Variants in SREBF1 observed in about 807,000 individuals in gnomAD.
SREBF1 encodes the protein sterol regulatory element-binding protein 1.
In SREBF1, 45 loss-of-function variants were observed where a neutral mutation model predicts 100.1. The ratio of observed to expected loss-of-function variants is 0.45; its 90% confidence interval spans 0.35 to 0.58. The LOEUF is 0.58. SREBF1 is among the 20% of genes least tolerant of loss of function. SREBF1 has a pLI of 0.00. For synonymous variants in SREBF1, 657 were observed against 681.8 expected, an observed-to-expected ratio of 0.96 and a Z score of 0.57; for missense variants, 1,324 against 1,539.4, an observed-to-expected ratio of 0.86 and a Z score of 2.34.
chr17:17,836,466 AC>A, intron 1 of SREBF1, among the ~76,000 whole-genome samples: 1 of 152,236 alleles, frequency 6.6e-6, no homozygotes, highest in East Asian at 1.9e-4. Flanking sequence ...GTAGAGGCGC[AC>A]GTGTCCCGGC....
intron 1 of SREBF1, among the ~76,000 whole-genome samples, chr17:17,833,612 A>G (rs1302315919): frequency 6.6e-6 from 1 of 152,060 alleles, no homozygotes; most frequent in South Asian, 2.1e-4. Flanking sequence ...AAAGTTAACT[A>G]AAAATCATTG....
chr17:17,836,570 T>G (rs7208534), intron 1 of SREBF1, among the ~76,000 whole-genome samples, 157 bp downstream of exon 1: 1 of 152,012 alleles, frequency 6.6e-6, no homozygotes, highest in African/African-American at 2.4e-5. Context: ...GGAGGCTCGG[T>G]GAGGCTCGGG....
chr17:17,818,838 A>G, intron 5 of SREBF1, 175 bp downstream of exon 5: 3 of 723,172 alleles, frequency 4.1e-6, no homozygotes, highest in Non-Finnish European at 7.2e-6. Flanking sequence ...CCTTTATTGA[A>G]GAGGCCTGCA....
chr17:17,819,690 C>T lies in SREBF1; in HGVS notation c.559G>A (p.Gly187Ser). ...PPGNTQQPLP[G>S]LPLASPPGVP... ...CCTGGCGGGGAAGCCAGTGGCAGGC[C>T]AGGCAGCGGCTGCTGGGTGTTCCCG... The change falls in exon 3 of 19, where the codon GGC (glycine) becomes AGC (serine). Residue 187 changes from glycine to serine, a missense_variant. By Grantham distance (56) the Gly-to-Ser change is moderately conservative (BLOSUM62 0). Coordinates refer to ENST00000261646, the MANE Select transcript of SREBF1 (RefSeq NM_004176.5). 1.2e-6 allele frequency: 2 copies of T among 1,609,698 alleles called. No individual in the cohort carries two copies. The highest frequency in any genetic ancestry group is 1.3e-5 in the African/African-American group (1 of 75,022).
At chr17:17,828,655 C>A (rs1427607958) in intron 1 of SREBF1, among the ~76,000 whole-genome samples, 2 of 152,202 alleles carry the variant, frequency 1.3e-5, no homozygotes, top group East Asian at 1.9e-4. Context: ...GGGGCTCACA[C>A]CTGTAATAAC....
At position 17,811,464 on chromosome 17, in the gene SREBF1, G is replaced by T. The variant is rs1393381573; in HGVS notation, c.*1158C>A. Reference sequence around the variant, plus strand: ...GATTGTTTTGGAAAATCTGCAGCCCGTGGATTCCGACCAGATTCAGCTGGG... The same window carrying T: ...GATTGTTTTGGAAAATCTGCAGCCCTTGGATTCCGACCAGATTCAGCTGGG... On this transcript the variant is annotated 3_prime_UTR_variant, in exon 19 of 19. Transcript: ENST00000261646. 2 of 226,284 alleles carry T rather than the reference G, an allele frequency of 8.8e-6. No homozygotes were observed. Among genetic ancestry groups the T allele is most frequent in the Non-Finnish European group, 1.8e-5 (2 of 112,092 alleles). 14.0% of individuals were successfully genotyped at this position (226,284 alleles called of 1,614,324 possible).
In SREBF1 at chr17:17,812,435, C is replaced by G; in HGVS notation, c.*187G>C. 2 of 668,886 alleles carry G rather than the reference C, an allele frequency of 3.0e-6. No individual in the cohort carries two copies. Among genetic ancestry groups the G allele is most frequent in the African/African-American group, 1.8e-5 (1 of 54,802 alleles). 41.4% of individuals were successfully genotyped at this position (668,886 alleles called of 1,614,324 possible). Reference sequence around the variant, plus strand: ...CCAGAGGTCAGCACCATCATGGCCGCCGGTCTTAGGGTCAAGATCGCGCCC... The same window carrying G: ...CCAGAGGTCAGCACCATCATGGCCGGCGGTCTTAGGGTCAAGATCGCGCCC... On this transcript the variant is annotated 3_prime_UTR_variant, in exon 19 of 19. Transcript: ENST00000261646.
In SREBF1 at chr17:17,820,903, C is replaced by A. The variant is rs183156390; in HGVS notation, c.92-382G>T. On this transcript the variant is annotated intron_variant, in intron 1 of 18. Transcript: ENST00000261646. ...TATTTGCCCAAACATCTAGAAACAT[C>A]CTTAGTCCACAGCAAACAGCAGGCT... 1.5e-5 allele frequency: 5 copies of A among 323,216 alleles called. No individual in the cohort carries two copies. The East Asian group carries it at 2.3e-4, about 15-fold the overall frequency. The allele number at this position is 323,216 out of a possible 1,614,324, so 20.0% of individuals were successfully genotyped here. A position where few individuals can be genotyped will look rare whatever the true frequency, so the allele number is the denominator to read the frequency against.
At position 17,819,710 on chromosome 17, in the gene SREBF1, T is replaced by C. The variant is rs1331140249; in HGVS notation, c.539A>G (p.Asn180Ser). Residue 180 changes from asparagine (N) to serine (S), a missense_variant, in exon 3 of 19, where the codon AAC becomes AGC. Coordinates refer to ENST00000261646, the MANE Select transcript of SREBF1 (RefSeq NM_004176.5). ...CAGGCCAGGCAGCGGCTGCTGGGTG[T>C]TCCCGGGAGGGCTTCCTGCAGAAAT... ...GGFSTGSPPG[N>S]TQQPLPGLPL... 1 of 1,605,914 alleles carries C rather than the reference T, an allele frequency of 6.2e-7. No individual in the cohort carries two copies. The highest frequency in any genetic ancestry group is 2.2e-5 in the East Asian group (1 of 44,746).
rs1273465299 is a variant in SREBF1, at chr17:17,816,932, C to T, written c.1785+26G>A. The T allele has an allele frequency of 2.5e-6, 4 of 1,612,418 alleles. No individual in the cohort carries two copies. The African/African-American group carries it at 4.0e-5, about 16-fold the overall frequency. On this transcript the variant is annotated intron_variant, in intron 9 of 18. Transcript: ENST00000261646. ...TCACAGCCTGGGGTCCCTGCCCTGC[C>T]CACTCTGCCGGGGCCAGCCCCTTAC...
In SREBF1 at chr17:17,819,112, C is replaced by T; in HGVS notation, c.969G>A (p.Glu323=). ...KAPASAQSRG[E]KRTAHNAIEK... ...CAATGGCGTTGTGGGCTGTGCGCTTCTCTCCACGGCTCTGGGCAGAGGCCG... is the reference window on the plus strand; with the variant it reads ...CAATGGCGTTGTGGGCTGTGCGCTTTTCTCCACGGCTCTGGGCAGAGGCCG... The change falls in exon 5 of 19, where the codon GAG becomes GAA. Residue 323 remains glutamate (E), a synonymous_variant. Coordinates refer to ENST00000261646, the MANE Select transcript of SREBF1 (RefSeq NM_004176.5). 6.2e-7 allele frequency: 1 copy of T among 1,614,102 alleles called. No homozygotes were observed. The highest frequency in any genetic ancestry group is 8.5e-7 in the Non-Finnish European group (1 of 1,180,042).
chr17:17,823,692 C>CCCCGCCCCGCCTGCAGGT (rs1202345232), intron 1 of SREBF1: 3 of 825,502 alleles, frequency 3.6e-6, no homozygotes, highest in Non-Finnish European at 4.7e-6. Flanking sequence ...CCCGCCCCAG[C>CCCCGCCCCGCCTGCAGGT]CCCGCCCCGC....
intron 1 of SREBF1, among the ~76,000 whole-genome samples, chr17:17,834,352 A>G (rs1439747993): frequency 6.6e-6 from 1 of 152,198 alleles, no homozygotes; most frequent in Non-Finnish European, 1.5e-5. Context: ...CGACCTCCCA[A>G]GTGCTGGGAT....
At position 17,817,989 on chromosome 17, in the gene SREBF1, G is replaced by C; in HGVS notation, c.1184-73C>G. On this transcript the variant is annotated intron_variant, in intron 6 of 18. Transcript: ENST00000261646. This position sits in a 1 kb window ranked among gnomAD's most constrained non-coding sequence, Gnocchi z 6.6. ...CCCCAAATCAGAGCCTAGGCCCTTG[G>C]AGGCCTAGGGACTACTGTAGCTCCT... 6.9e-7 allele frequency: 1 copy of C among 1,450,044 alleles called. No homozygotes were observed. Among genetic ancestry groups the C allele is most frequent in the Non-Finnish European group, 9.6e-7 (1 of 1,044,434 alleles). 89.8% of individuals were successfully genotyped at this position (1,450,044 alleles called of 1,614,324 possible). A position where few individuals can be genotyped will look rare whatever the true frequency, so the allele number is the denominator to read the frequency against.
In SREBF1 at chr17:17,819,046, C is replaced by A. The variant is rs1365627220; in HGVS notation, c.1035G>T (p.Glu345Asp). The A allele has an allele frequency of 6.2e-7, 1 of 1,613,898 alleles. No homozygotes were observed. Among genetic ancestry groups the A allele is most frequent in the East Asian group, 2.2e-5 (1 of 44,886 alleles). ...CAGTGCCCACCACCAGATCCTTGAG[C>A]TCAATGATTTTGTCATTGATGGAGG... Reference protein sequence around the residue: ...YRSSINDKIIELKDLVVGTEA... With the variant: ...YRSSINDKIIDLKDLVVGTEA... The change falls in exon 5 of 19, where the codon GAG (glutamate) becomes GAT (aspartate). Residue 345 changes from glutamate (E) to aspartate (D), a missense_variant. By Grantham distance (45) the Glu-to-Asp change is conservative. Coordinates refer to ENST00000261646, the MANE Select transcript of SREBF1 (RefSeq NM_004176.5).
intron 1 of SREBF1, among the ~76,000 whole-genome samples, chr17:17,827,558 C>T (rs2034568160): frequency 6.6e-6 from 1 of 152,194 alleles, no homozygotes. Flanking sequence ...AGCAGTGGCA[C>T]AGGCTGCCCT....
chr17:17,825,299 T>A (rs548339709), intron 1 of SREBF1, among the ~76,000 whole-genome samples: 104 of 152,290 alleles, frequency 6.8e-4, no homozygotes, highest in African/African-American at 2.4e-3. Context: ...CTCATCTTCC[T>A]GCTCTAACCC....
chr17:17,823,759 G>A, intron 1 of SREBF1: 1 of 208,712 alleles, frequency 4.8e-6, no homozygotes, highest in Non-Finnish European at 8.3e-6. Context: ...TGGGGTGAGC[G>A]CGCGCGGCCA....
chr17:17,834,125 ACT>A (rs1353586093), intron 1 of SREBF1, among the ~76,000 whole-genome samples: 1 of 152,014 alleles, frequency 6.6e-6, no homozygotes, highest in Non-Finnish European at 1.5e-5. Context: ...ACAGAATCTC[ACT>A]CTGTCATCCA....
Sources: gnomAD v4.1 joint callset for allele counts (sites outside exome capture counted in the v4.1 genomes callset) on GRCh38, gnomAD v4.1.1 for gene constraint, Gnocchi (gnomAD v3.1) non-coding constraint, MANE v1.5 for transcripts, NCBI Gene and HGNC (gene_info 2026-07-23, HGNC 2026-07-21) for gene names.